Variants in DPP6 observed in about 807,000 individuals in gnomAD.
DPP6 encodes the protein dipeptidyl peptidase like 6.
Under a neutral mutation model 122.6 loss-of-function variants are expected in DPP6, and 69 were observed. The observed-to-expected ratio is 0.56, with a 90% CI of 0.46 to 0.69. The LOEUF (loss-of-function observed/expected upper bound fraction) is 0.69. DPP6 is among the 30% of genes least tolerant of loss of function. The pLI, the probability that DPP6 is intolerant of heterozygous loss-of-function variation, is 0.00. For missense variants in DPP6, 928 were observed against 1,116.9 expected (o/e 0.83, Z 2.41); for synonymous variants, 418 against 433.1 (o/e 0.97, Z 0.43).
chr7:153,990,901 G>A (rs566224590), intron 1 of DPP6, among the ~76,000 whole-genome samples: 20 of 152,360 alleles, frequency 1.3e-4, no homozygotes, highest in Admixed American at 9.1e-4. Flanking sequence ...CTGGAAGTCT[G>A]TTCAAATCAT....
chr7:154,058,760 C>G (rs915366894), intron 1 of DPP6: 11 of 150,192 alleles, frequency 7.3e-5, no homozygotes, highest in Non-Finnish European at 1.3e-4. Flanking sequence ...CTCTTCCCCC[C>G]CGGCTCTGAG....
the DPP6 span, among the ~76,000 whole-genome samples, chr7:153,776,331 C>G: frequency 6.6e-6 from 1 of 152,076 alleles, no homozygotes; most frequent in Non-Finnish European, 1.5e-5. Flanking sequence ...GCGGTCACTT[C>G]CATGCTGTTC....
the DPP6 span, among the ~76,000 whole-genome samples, chr7:153,827,195 C>T: frequency 8.5e-5 from 13 of 152,292 alleles, no homozygotes; most frequent in Non-Finnish European, 1.6e-4. Flanking sequence ...GAAAATGTAA[C>T]ACTGAAGTTT....
the DPP6 span, among the ~76,000 whole-genome samples, chr7:153,796,572 T>C: frequency 6.6e-6 from 1 of 152,272 alleles, no homozygotes; most frequent in Admixed American, 6.5e-5. Flanking sequence ...TTATTTACGG[T>C]GGGTCCCTGG....
At position 154,563,303 on chromosome 7, in the gene DPP6, G is replaced by A. The variant is rs1256771580; in HGVS notation, c.553-3539G>A. On this transcript the variant is annotated intron_variant, in intron 4 of 25. Coordinates refer to ENST00000377770, the MANE Select transcript of DPP6 (RefSeq NM_130797.4). Reference sequence around the variant, plus strand: ...AGTGAAGCAGATGGGACTGAGGGGAGAATACTGGGAGATGGATGCAGAGAG... The same window carrying A: ...AGTGAAGCAGATGGGACTGAGGGGAAAATACTGGGAGATGGATGCAGAGAG... Among the ~76,000 whole-genome samples the A allele has an allele frequency of 3.9e-5, 6 of 152,330 alleles. No individual in the cohort carries two copies. In the South Asian group the frequency reaches 6.2e-4, roughly 16 times the overall value.
At chr7:153,886,864 C>T (rs1355101841), upstream of DPP6, among the ~76,000 whole-genome samples, 1 of 152,132 alleles carries the variant, frequency 6.6e-6, no homozygotes, top group Admixed American at 6.5e-5. Flanking sequence ...CCTTCTCTCG[C>T]GGGCGCAGCC....
chr7:154,776,778 C>T (rs940473162), intron 10 of DPP6, among the ~76,000 whole-genome samples: 1 of 152,186 alleles, frequency 6.6e-6, no homozygotes, highest in African/African-American at 2.4e-5. Context: ...ATCTTGTCCT[C>T]TCAAGCACAA....
chr7:154,881,174 C>A, intron 21 of DPP6: 1 of 648,554 alleles, frequency 1.5e-6, no homozygotes, highest in Non-Finnish European at 2.3e-6. Flanking sequence ...GAAGGGAAGC[C>A]AAGTCCCCGC....
At chr7:154,759,718 C>T (rs927197958) in intron 8 of DPP6, among the ~76,000 whole-genome samples, 3 of 152,250 alleles carry the variant, frequency 2.0e-5, no homozygotes, top group Non-Finnish European at 2.9e-5. Context: ...CCTGTAAGGC[C>T]CCTCTCTGTG....
At chr7:154,722,616 A>G (rs1183994629) in intron 7 of DPP6, among the ~76,000 whole-genome samples, 1 of 152,310 alleles carries the variant, frequency 6.6e-6, no homozygotes, top group Non-Finnish European at 1.5e-5. Flanking sequence ...GAGATAAATC[A>G]GGGGCGGCAG....
intron 1 of DPP6, among the ~76,000 whole-genome samples, chr7:154,030,536 CCTG>C (rs1209364024): frequency 6.6e-6 from 1 of 152,192 alleles, no homozygotes; most frequent in Non-Finnish European, 1.5e-5. Context: ...AACGGTGCTT[CCTG>C]CTGCTCCAAA....
chr7:153,872,147 T>C, the DPP6 span, among the ~76,000 whole-genome samples: 8 of 152,210 alleles, frequency 5.3e-5, no homozygotes, highest in East Asian at 3.8e-4. Context: ...GCAGTTTTTT[T>C]CCCAAGTGTC....
intron 6 of DPP6, among the ~76,000 whole-genome samples, chr7:154,638,732 T>C (rs1158922699): frequency 1.3e-5 from 2 of 152,328 alleles, no homozygotes; most frequent in East Asian, 3.9e-4. Flanking sequence ...CAGACACAGA[T>C]GAAAAATGGT....
intron 3 of DPP6, among the ~76,000 whole-genome samples, chr7:154,482,128 G>A (rs1450032121): frequency 6.6e-6 from 1 of 152,222 alleles, no homozygotes; most frequent in Admixed American, 6.5e-5. Context: ...ATGCAGATGA[G>A]TTCTCTGGGG....
chr7:154,268,347 A>G (rs1803570391), intron 1 of DPP6, among the ~76,000 whole-genome samples: 1 of 152,212 alleles, frequency 6.6e-6, no homozygotes. Flanking sequence ...CGGTTCTGGA[A>G]CTTGGAAGTC....
chr7:154,221,533 C>A (rs188701223), intron 1 of DPP6, among the ~76,000 whole-genome samples: 1 of 152,322 alleles, frequency 6.6e-6, no homozygotes, highest in African/African-American at 2.4e-5. Context: ...CTCTCCTCCC[C>A]ACCCAGCCTC....
chr7:153,904,350 C>T (rs976730560), intron 1 of DPP6, among the ~76,000 whole-genome samples: 2 of 152,168 alleles, frequency 1.3e-5, no homozygotes, highest in Non-Finnish European at 2.9e-5. Flanking sequence ...CCACACCTGG[C>T]CAGTTATTCT....
chr7:154,470,445 A>C (rs534980311), intron 2 of DPP6, among the ~76,000 whole-genome samples: 2 of 152,260 alleles, frequency 1.3e-5, no homozygotes, highest in East Asian at 3.9e-4. Flanking sequence ...TACCAAGCTG[A>C]GTTTGTCAGT....
intron 16 of DPP6, among the ~76,000 whole-genome samples, chr7:154,832,337 G>A (rs896843539): frequency 6.6e-6 from 1 of 152,122 alleles, no homozygotes; most frequent in African/African-American, 2.4e-5. Flanking sequence ...CATGTGCCAG[G>A]GACTTTGTTG....
Sources: gnomAD v4.1 joint callset for allele counts (sites outside exome capture counted in the v4.1 genomes callset) on GRCh38, gnomAD v4.1.1 for gene constraint, MANE v1.5 for transcripts, NCBI Gene and HGNC (gene_info 2026-07-23, HGNC 2026-07-21) for gene names.